Variants in AIM2 observed in about 807,000 individuals in gnomAD.
AIM2 encodes the protein absent in melanoma 2.
A neutral mutation model predicts 27.7 loss-of-function variants in AIM2; 30 were observed. That is an observed-to-expected ratio of 1.08 (90% CI 0.81 to 1.47). The LOEUF (loss-of-function observed/expected upper bound fraction) is 1.47. AIM2 is among the 40% of genes most tolerant of loss of function. The pLI is 0.00. For missense variants in AIM2, 358 were observed against 411.3 expected (o/e 0.87, Z 1.12); for synonymous variants, 141 against 145.3 (o/e 0.97, Z 0.21).
chr1:159,114,582 T>C lies in AIM2; in HGVS notation c.-16+25849A>G, dbSNP rs1336831121. On this transcript the variant is annotated intron_variant, in intron 1 of 2. Coordinates refer to the AIM2 transcript ENST00000368129. ...AAAATTAGACAGGCATGATGGCGCATGCTTGTAATGTCAGCTACTCAGAAG... is the reference window on the plus strand; with the variant it reads ...AAAATTAGACAGGCATGATGGCGCACGCTTGTAATGTCAGCTACTCAGAAG... Among the ~76,000 whole-genome samples, 3 of 152,282 alleles carry C rather than the reference T, an allele frequency of 2.0e-5. No individual in the cohort carries two copies. In the East Asian group the frequency reaches 5.8e-4, roughly 30 times the overall value.
chr1:159,134,979 C>T (rs1012232862), intron 1 of AIM2, among the ~76,000 whole-genome samples: 11 of 152,230 alleles, frequency 7.2e-5, no homozygotes, highest in African/African-American at 2.7e-4. Flanking sequence ...AGTCAAGAGA[C>T]ACTTCCTGGG....
At chr1:159,087,345 C>T (rs1161723396) in intron 1 of AIM2, among the ~76,000 whole-genome samples, 2 of 151,240 alleles carry the variant, frequency 1.3e-5, no homozygotes, top group African/African-American at 2.4e-5. Flanking sequence ...AAAATGATCA[C>T]CATGGCTGAG....
At chr1:159,078,968 A>G (rs866945372), upstream of AIM2, among the ~76,000 whole-genome samples, 45 of 152,234 alleles carry the variant, frequency 3.0e-4, no homozygotes, top group African/African-American at 9.2e-4. Context: ...ACTAACTCAT[A>G]AATAAACCAG....
upstream of AIM2, among the ~76,000 whole-genome samples, chr1:159,078,094 T>C (rs1462192995): frequency 1.3e-5 from 2 of 152,220 alleles, no homozygotes; most frequent in African/African-American, 4.8e-5. Flanking sequence ...TTCTACACTT[T>C]TGCCAGCTTT....
At chr1:159,142,511 C>T (rs1280145214), upstream of AIM2, among the ~76,000 whole-genome samples, 1 of 152,064 alleles carries the variant, frequency 6.6e-6, no homozygotes, top group Non-Finnish European at 1.5e-5. Flanking sequence ...TCACACAGCC[C>T]TCCTGTATCT....
chr1:159,056,736 A>AAC, the AIM2 span, among the ~76,000 whole-genome samples: 10 of 148,856 alleles, frequency 6.7e-5, no homozygotes, highest in Middle Eastern at 3.4e-3. Context: ...AAAAAAAAAA[A>AAC]AAAAAAAAAA....
At chr1:159,131,509 G>A (rs1040703255) in intron 1 of AIM2, among the ~76,000 whole-genome samples, 2 of 152,158 alleles carry the variant, frequency 1.3e-5, no homozygotes, top group Non-Finnish European at 2.9e-5. Context: ...TAGAAATTGG[G>A]AGCAGTTTAG....
chr1:159,082,824 G>C (rs569702015), intron 1 of AIM2, among the ~76,000 whole-genome samples: 1 of 152,146 alleles, frequency 6.6e-6, no homozygotes, highest in African/African-American at 2.4e-5. Flanking sequence ...GTCACCCCAG[G>C]ATAATGGTGA....
intron 1 of AIM2, among the ~76,000 whole-genome samples, chr1:159,076,280 C>T (rs914299376): frequency 1.3e-5 from 2 of 152,166 alleles, no homozygotes; most frequent in Non-Finnish European, 2.9e-5. Context: ...TCAGTTTTTT[C>T]TCTGAAGTTA....
At chr1:159,062,252 C>T (rs1456591512), downstream of AIM2, among the ~76,000 whole-genome samples, 1 of 152,134 alleles carries the variant, frequency 6.6e-6, no homozygotes, top group Non-Finnish European at 1.5e-5. Context: ...CCCTATGGGA[C>T]AAAATATACA....
rs779094080 is a variant in AIM2, at chr1:159,066,337, C to G, written c.397-8G>C. ...CATCTGTTTCTGTTCAGGCTGAAGA[C>G]AAGAGAAGAAAGATATCAGCTGTGA... is the stretch of plus-strand genomic sequence containing the variant. On this transcript the variant is annotated splice_region_variant and splice_polypyrimidine_tract_variant and intron_variant, in intron 3 of 5. Coordinates refer to ENST00000368130, the MANE Select transcript of AIM2 (RefSeq NM_004833.3). The G allele has an allele frequency of 1.9e-5, 30 of 1,600,722 alleles. No homozygotes were observed. The Admixed American group carries it at 5.3e-4, about 28-fold the overall frequency.
intron 2 of AIM2, among the ~76,000 whole-genome samples, chr1:159,072,616 TA>T (rs916230867): frequency 2.6e-5 from 4 of 152,110 alleles, no homozygotes; most frequent in Admixed American, 1.3e-4. Context: ...TTGAATAATG[TA>T]AAAAAAATCT....
intron 1 of AIM2, among the ~76,000 whole-genome samples, chr1:159,113,014 G>A (rs1292667433): frequency 6.6e-6 from 1 of 151,238 alleles, no homozygotes; most frequent in African/African-American, 2.4e-5. Context: ...GCGCGATCTC[G>A]GCTCACTGCA....
At chr1:159,072,749 C>T (rs1401689816) in intron 2 of AIM2, among the ~76,000 whole-genome samples, 1 of 152,174 alleles carries the variant, frequency 6.6e-6, no homozygotes, top group Non-Finnish European at 1.5e-5. Flanking sequence ...GAAGGATAGT[C>T]TGGGACCACA....
intron 1 of AIM2, among the ~76,000 whole-genome samples, chr1:159,109,979 C>T (rs1053700611): frequency 2.0e-5 from 3 of 152,280 alleles, no homozygotes; most frequent in Non-Finnish European, 2.9e-5. Flanking sequence ...CTAGTACAAC[C>T]ACTATGGAAA....
chr1:159,058,183 A>T (rs568280952), downstream of AIM2, among the ~76,000 whole-genome samples: 1 of 152,172 alleles, frequency 6.6e-6, no homozygotes, highest in South Asian at 2.1e-4. Flanking sequence ...GTGAAACTCC[A>T]TCTCTACATA....
At chr1:159,067,646 C>G (rs926797708) in intron 3 of AIM2, among the ~76,000 whole-genome samples, 2 of 152,194 alleles carry the variant, frequency 1.3e-5, no homozygotes, top group Admixed American at 1.3e-4. Context: ...ATTTTCATTA[C>G]TGATGAGGGA....
chr1:159,095,636 A>C (rs1657163665), intron 1 of AIM2, among the ~76,000 whole-genome samples: 1 of 152,212 alleles, frequency 6.6e-6, no homozygotes, highest in South Asian at 2.1e-4. Context: ...AAATGTATGT[A>C]AATTAAGAAT....
chr1:159,115,187 TACAA>T (rs909399756), intron 1 of AIM2, among the ~76,000 whole-genome samples: 2 of 151,936 alleles, frequency 1.3e-5, no homozygotes, highest in Non-Finnish European at 2.9e-5. Flanking sequence ...TAAAAGAGGA[TACAA>T]ACAAATGGAA....
Sources: allele counts gnomAD v4.1 joint callset (sites outside exome capture counted in the v4.1 genomes callset), GRCh38; gene constraint gnomAD v4.1.1; transcripts MANE v1.5; gene names NCBI Gene and HGNC (gene_info 2026-07-23, HGNC 2026-07-21).